EYA1: variants seen among roughly 807,000 people sequenced by gnomAD.
The protein encoded by EYA1 is protein phosphatase EYA1.
A neutral mutation model predicts 82.0 loss-of-function variants in EYA1; 16 were observed. The observed-to-expected ratio is 0.20, with a 90% CI of 0.13 to 0.30. The LOEUF is 0.30. Ranked by LOEUF, EYA1 falls within the 10% of genes least tolerant of loss-of-function variation. The pLI, the probability that EYA1 is intolerant of heterozygous loss-of-function variation, is 1.00. For synonymous variants in EYA1, 261 were observed against 264.4 expected, an observed-to-expected ratio of 0.99 and a Z score of 0.12; for missense variants, 633 against 730.7, an observed-to-expected ratio of 0.87 and a Z score of 1.54.
intron 2 of EYA1, among the ~76,000 whole-genome samples, chr8:71,497,843 A>T (rs895304501): frequency 7.2e-5 from 11 of 152,248 alleles, no homozygotes; most frequent in East Asian, 3.8e-4. Context: ...ATGAATTTTT[A>T]AAATTGTGGT....
chr8:71,458,194 C>T (rs980185019), intron 2 of EYA1, among the ~76,000 whole-genome samples: 4 of 151,760 alleles, frequency 2.6e-5, no homozygotes, highest in East Asian at 1.9e-4. Flanking sequence ...ATGGAGTCAC[C>T]GAAGAACTTT....
At chr8:71,346,431 A>AATATATATAATATATATATATATATAT (rs770393582) in intron 3 of EYA1, among the ~76,000 whole-genome samples, 2 of 105,490 alleles carry the variant, frequency 1.9e-5, no homozygotes, top group African/African-American at 6.8e-5. Flanking sequence ...TACTGCAGTG[A>AATATATATAATATATATATATATATAT]ATATATATAT....
At chr8:71,335,330 A>G (rs1316672137) in intron 3 of EYA1, among the ~76,000 whole-genome samples, 1 of 152,220 alleles carries the variant, frequency 6.6e-6, no homozygotes, top group Non-Finnish European at 1.5e-5. Context: ...TATAAACACC[A>G]GGGAAAAGGC....
intron 12 of EYA1, among the ~76,000 whole-genome samples, chr8:71,241,109 G>C (rs1335949897): frequency 6.6e-6 from 1 of 152,108 alleles, no homozygotes; most frequent in Non-Finnish European, 1.5e-5. Flanking sequence ...CCCTTCTCTT[G>C]GGGGGAAAAT....
chr8:71,203,197 T>C lies in EYA1; in HGVS notation c.1699-3777A>G, dbSNP rs118004271. On this transcript the variant is annotated intron_variant, in intron 17 of 17. Transcript: ENST00000340726. ...TCTGCCTGAAGCCCTAGTTTCTTTA[T>C]AACATGAGCGTTTAGGGAAAATGAC... 9.5e-3 allele frequency among the ~76,000 whole-genome samples: 1,450 copies of C among 152,308 alleles called. 19 individuals carry two copies. The highest frequency in any genetic ancestry group is 0.032 in the South Asian group (154 of 4,830).
At chr8:71,414,939 A>G (rs1830779901) in intron 2 of EYA1, among the ~76,000 whole-genome samples, 1 of 152,230 alleles carries the variant, frequency 6.6e-6, no homozygotes, top group African/African-American at 2.4e-5. Flanking sequence ...ATGGCTTTCA[A>G]GTCAGGATGA....
chr8:71,365,132 T>G (rs911249644), upstream of EYA1, among the ~76,000 whole-genome samples: 1 of 151,528 alleles, frequency 6.6e-6, no homozygotes, highest in Non-Finnish European at 1.5e-5. Flanking sequence ...CTTGGGCTTT[T>G]CTAAAACTTC....
intron 2 of EYA1, among the ~76,000 whole-genome samples, chr8:71,533,505 T>C (rs1398503874): frequency 6.6e-6 from 1 of 152,216 alleles, no homozygotes; most frequent in African/African-American, 2.4e-5. Context: ...GGGATACTGG[T>C]CCAGGACTCT....
chr8:71,361,445 G>A (rs1281745374), intron 1 of EYA1, among the ~76,000 whole-genome samples: 2 of 152,196 alleles, frequency 1.3e-5, no homozygotes, highest in Non-Finnish European at 2.9e-5. Flanking sequence ...TAATTTGGAG[G>A]TTGGGAATTC....
At chr8:71,267,177 C>G (rs1815940248) in intron 11 of EYA1, among the ~76,000 whole-genome samples, 1 of 152,190 alleles carries the variant, frequency 6.6e-6, no homozygotes, top group Admixed American at 6.5e-5. Flanking sequence ...GTGAGATTAG[C>G]CCTGTTGACT....
chr8:71,246,650 G>A (rs750665630), intron 11 of EYA1, among the ~76,000 whole-genome samples: 4 of 152,170 alleles, frequency 2.6e-5, no homozygotes, highest in Non-Finnish European at 4.4e-5. Context: ...TCCTCTCATC[G>A]AGCCTGGTTT....
chr8:71,405,973 A>G (rs1830196514), intron 2 of EYA1, among the ~76,000 whole-genome samples: 1 of 152,212 alleles, frequency 6.6e-6, no homozygotes, highest in Non-Finnish European at 1.5e-5. Context: ...AGAGAAACAG[A>G]CAGCATAGGG....
intron 4 of EYA1, among the ~76,000 whole-genome samples, chr8:71,333,738 C>A (rs565294026): frequency 6.6e-6 from 1 of 152,230 alleles, no homozygotes; most frequent in Non-Finnish European, 1.5e-5. Flanking sequence ...CGTAAAACAC[C>A]AAATTTTGCC....
At position 71,254,243 on chromosome 8, in the gene EYA1, CAAAAAAAAAAAAA is replaced by C. The variant is rs56047377; in HGVS notation, c.1051-9564_1051-9552del. Among the ~76,000 whole-genome samples, 174 of 51,496 alleles carry C rather than the reference CAAAAAAAAAAAAA, an allele frequency of 3.4e-3. 2 individuals carry two copies. The highest frequency in any genetic ancestry group is 5.8e-3 in the Admixed American group (18 of 3,096). The allele number at this position is 51,496 out of a possible 152,430, so 33.8% of individuals were successfully genotyped here. On this transcript the variant is annotated intron_variant, in intron 11 of 17. Transcript: ENST00000340726. ...TATACCCCATCTATAAAGTCTTGGC[CAAAAAAAAAAAAA>C]AAAAAAAAAAAAGAAAAGGAAACTG...
chr8:71,512,362 G>A (rs1812666466), intron 2 of EYA1, among the ~76,000 whole-genome samples: 1 of 151,404 alleles, frequency 6.6e-6, no homozygotes, highest in Admixed American at 6.6e-5. Flanking sequence ...TTAAAAAAAA[G>A]TTTTAAATAA....
intron 2 of EYA1, among the ~76,000 whole-genome samples, chr8:71,430,645 T>C (rs1484401764): frequency 2.0e-5 from 3 of 152,188 alleles, no homozygotes; most frequent in African/African-American, 4.8e-5. Flanking sequence ...GATTCCTTTA[T>C]GGGAGGCTGG....
chr8:71,406,633 G>A (rs1474755893), intron 2 of EYA1, among the ~76,000 whole-genome samples: 2 of 152,202 alleles, frequency 1.3e-5, no homozygotes, highest in Admixed American at 6.5e-5. Context: ...GGAAAATCGG[G>A]TCACTCTCAC....
At chr8:71,331,506 CAT>C (rs1319019433) in intron 4 of EYA1, among the ~76,000 whole-genome samples, 3 of 117,336 alleles carry the variant, frequency 2.6e-5, no homozygotes, top group African/African-American at 6.0e-5. Flanking sequence ...TATATATACA[CAT>C]ATATATAATG....
chr8:71,285,168 C>T (rs1818229746), intron 9 of EYA1, among the ~76,000 whole-genome samples: 1 of 152,178 alleles, frequency 6.6e-6, no homozygotes, highest in Non-Finnish European at 1.5e-5. Flanking sequence ...TTCTACTTTG[C>T]CTTCAATTAG....
Sources: gnomAD v4.1 joint callset for allele counts (sites outside exome capture counted in the v4.1 genomes callset) on GRCh38, gnomAD v4.1.1 for gene constraint, MANE v1.5 for transcripts, NCBI Gene and HGNC (gene_info 2026-07-23, HGNC 2026-07-21) for gene names.